Variants in CHL1 observed in about 807,000 individuals in gnomAD.
The protein encoded by CHL1 is neural cell adhesion molecule L1-like protein.
In CHL1, 96 loss-of-function variants were observed where a neutral mutation model predicts 141.9. The ratio of observed to expected loss-of-function variants is 0.68; its 90% CI spans 0.57 to 0.80. The LOEUF is 0.80. Among genes scored for constraint, CHL1 ranks in the 30% least tolerant of loss-of-function variants. The pLI is 0.00. For missense variants in CHL1, 1,820 were observed against 1,457.2 expected (o/e 1.25, Z -4.05); for synonymous variants, 613 against 502.2 (o/e 1.22, Z -2.95).
At chr3:323,094 G>C (rs1185215404) in intron 3 of CHL1, among the ~76,000 whole-genome samples, 1 of 151,890 alleles carries the variant, frequency 6.6e-6, no homozygotes, top group Non-Finnish European at 1.5e-5. Flanking sequence ...TGAGTCCTGA[G>C]CTGGACATCA....
At chr3:258,997 G>C (rs1033166988) in intron 2 of CHL1, among the ~76,000 whole-genome samples, 5 of 142,162 alleles carry the variant, frequency 3.5e-5, no homozygotes, top group Non-Finnish European at 7.5e-5. Flanking sequence ...GCAGTGGCTT[G>C]ATCACGGCTC....
At chr3:295,584 C>T (rs1005540485) in intron 2 of CHL1, among the ~76,000 whole-genome samples, 5 of 152,128 alleles carry the variant, frequency 3.3e-5, no homozygotes, top group Non-Finnish European at 5.9e-5. Flanking sequence ...TGTTCTTAGT[C>T]ATCCATCTCT....
intron 1 of CHL1, among the ~76,000 whole-genome samples, chr3:211,012 C>G (rs1263224924): frequency 6.6e-6 from 1 of 152,204 alleles, no homozygotes; most frequent in Non-Finnish European, 1.5e-5. Context: ...CTCCTCTGAT[C>G]TATTTAGGTT....
chr3:274,995 A>G (rs1206232072), intron 2 of CHL1, among the ~76,000 whole-genome samples: 1 of 152,248 alleles, frequency 6.6e-6, no homozygotes, highest in Non-Finnish European at 1.5e-5. Flanking sequence ...CTAAGCATTT[A>G]GACAGTAAAT....
At chr3:269,415 A>T (rs1053320947) in intron 2 of CHL1, among the ~76,000 whole-genome samples, 1 of 152,176 alleles carries the variant, frequency 6.6e-6, no homozygotes, top group Non-Finnish European at 1.5e-5. Context: ...TGTTGGGCAG[A>T]TAGGAGAAAA....
intron 2 of CHL1, among the ~76,000 whole-genome samples, chr3:312,545 T>C (rs1048109150): frequency 2.0e-4 from 30 of 152,224 alleles, no homozygotes; most frequent in Non-Finnish European, 2.9e-5. Flanking sequence ...TGTTGAGTGA[T>C]TCAGATCACA....
intron 2 of CHL1, among the ~76,000 whole-genome samples, chr3:256,784 G>A (rs1471717402): frequency 6.6e-6 from 1 of 152,178 alleles, no homozygotes; most frequent in Non-Finnish European, 1.5e-5. Flanking sequence ...TGGCGCCTGG[G>A]AGCTTGCTCA....
chr3:234,139 CTA>C (rs1269818752), intron 1 of CHL1, among the ~76,000 whole-genome samples: 3 of 151,580 alleles, frequency 2.0e-5, no homozygotes, highest in Non-Finnish European at 4.4e-5. Flanking sequence ...AGGAAATACA[CTA>C]AAATATTATT....
chr3:254,529 T>C (rs1693983992), intron 2 of CHL1, among the ~76,000 whole-genome samples: 1 of 152,138 alleles, frequency 6.6e-6, no homozygotes, highest in Admixed American at 6.6e-5. Flanking sequence ...ATGAGATGAT[T>C]GTCAGGGCAG....
At chr3:315,671 A>C (rs1237964408) in intron 2 of CHL1, among the ~76,000 whole-genome samples, 1 of 151,970 alleles carries the variant, frequency 6.6e-6, no homozygotes, top group Non-Finnish European at 1.5e-5. Flanking sequence ...ATGTTAAACT[A>C]ATGTCTTGAA....
intron 2 of CHL1, among the ~76,000 whole-genome samples, chr3:288,272 C>A (rs563378220): frequency 6.6e-6 from 1 of 152,264 alleles, no homozygotes; most frequent in Non-Finnish European, 1.5e-5. Flanking sequence ...AATCTATTAT[C>A]TCCTCTCTCT....
chr3:397,722 C>T (rs969946933), intron 24 of CHL1, among the ~76,000 whole-genome samples: 1 of 152,070 alleles, frequency 6.6e-6, no homozygotes, highest in Non-Finnish European at 1.5e-5. Flanking sequence ...TGCAAGCCTG[C>T]ATTTCACGTA....
At chr3:330,992 A>T (rs1352380193) in intron 5 of CHL1, among the ~76,000 whole-genome samples, 2 of 152,138 alleles carry the variant, frequency 1.3e-5, no homozygotes, top group African/African-American at 4.8e-5. Flanking sequence ...TTTACTTTGA[A>T]CTAAACATTG....
intron 2 of CHL1, chr3:308,625 T>C (rs984982504): frequency 5.3e-5 from 8 of 149,728 alleles, no homozygotes; most frequent in African/African-American, 2.0e-4. Context: ...TATGTTATAA[T>C]AATATGCAAT....
At chr3:339,596 G>A (rs74368200) in intron 5 of CHL1, among the ~76,000 whole-genome samples, 1,844 of 152,188 alleles carry the variant, frequency 0.012, 39 homozygotes, top group African/African-American at 0.042. Context: ...TAGCCACACC[G>A]CCCCCTGCAA....
intron 1 of CHL1, among the ~76,000 whole-genome samples, chr3:241,766 C>A (rs544655848): frequency 1.1e-4 from 17 of 151,678 alleles, no homozygotes; most frequent in African/African-American, 3.9e-4. Context: ...TTTAATATTC[C>A]TCTCCATTCT....
intron 6 of CHL1, among the ~76,000 whole-genome samples, 167 bp from the exon 7 acceptor site, chr3:341,745 T>C (rs1702363580): frequency 1.3e-5 from 2 of 152,174 alleles, no homozygotes; most frequent in Non-Finnish European, 2.9e-5. Context: ...TGTTTTGTTT[T>C]GTTTTCCTAT....
intron 26 of CHL1, among the ~76,000 whole-genome samples, chr3:400,998 C>T (rs1253451911): frequency 6.7e-6 from 1 of 149,280 alleles, no homozygotes; most frequent in African/African-American, 2.5e-5. Flanking sequence ...GCCTCCCAGG[C>T]TCAGGTGATC....
chr3:215,410 G>A (rs528660613), intron 1 of CHL1, among the ~76,000 whole-genome samples: 1 of 152,298 alleles, frequency 6.6e-6, no homozygotes, highest in African/African-American at 2.4e-5. Flanking sequence ...ATGTATCAAG[G>A]AGGGGAGGAT....
Sources: allele counts gnomAD v4.1 joint callset (sites outside exome capture counted in the v4.1 genomes callset), GRCh38; gene constraint gnomAD v4.1.1; transcripts MANE v1.5; gene names NCBI Gene and HGNC (gene_info 2026-07-23, HGNC 2026-07-21).